The following MROH9 variants were observed in gnomAD, a reference collection of about 807,000 sequenced individuals.
The protein encoded by MROH9 is maestro heat-like repeat-containing protein family member 9.
In MROH9, 92 loss-of-function variants were observed where a neutral mutation model predicts 98.2. The observed-to-expected ratio is 0.94, with a 90% confidence interval of 0.79 to 1.11. The LOEUF is 1.11. Ranked by LOEUF, MROH9 falls within the 50% of genes most tolerant of loss-of-function variation. The pLI is 0.00. For synonymous variants in MROH9, 397 were observed against 368.9 expected, an observed-to-expected ratio of 1.08 and a Z score of -0.87; for missense variants, 1,057 against 1,014.8, an observed-to-expected ratio of 1.04 and a Z score of -0.57.
At chr1:171,036,171 T>C (rs1020478581) in intron 20 of MROH9, among the ~76,000 whole-genome samples, 2 of 151,954 alleles carry the variant, frequency 1.3e-5, no homozygotes, top group Non-Finnish European at 1.5e-5. Flanking sequence ...CAAAAACAGC[T>C]AGAACTAAAG....
At chr1:170,947,861 G>T (rs1649393482) in intron 3 of MROH9, among the ~76,000 whole-genome samples, 1 of 151,918 alleles carries the variant, frequency 6.6e-6, no homozygotes, top group South Asian at 2.1e-4. Context: ...TCCATCAACT[G>T]ACTGGTCTCT....
At chr1:171,012,062 ATAGTG>A (rs1167505699) in intron 15 of MROH9, among the ~76,000 whole-genome samples, 2 of 151,936 alleles carry the variant, frequency 1.3e-5, no homozygotes, top group Non-Finnish European at 2.9e-5. Flanking sequence ...ACTTCCAACT[ATAGTG>A]TAAATATCTA....
At chr1:170,935,982 C>CAAAAAAAAAAAAAAA (rs59883013) in intron 1 of MROH9, among the ~76,000 whole-genome samples, 3 of 62,256 alleles carry the variant, frequency 4.8e-5, no homozygotes, top group Non-Finnish European at 6.2e-5. Context: ...CAGAGTGAGA[C>CAAAAAAAAAAAAAAA]AAAAAAAAAA....
At chr1:170,945,633 T>A in intron 2 of MROH9, 52 bp downstream of exon 2, 1 of 1,511,550 alleles carries the variant, frequency 6.6e-7, no homozygotes, top group South Asian at 1.2e-5. Flanking sequence ...TGTGTATATG[T>A]GTGTGTATGA....
chr1:170,937,496 T>TCACAG (rs1648933563), intron 1 of MROH9, among the ~76,000 whole-genome samples: 1 of 151,388 alleles, frequency 6.6e-6, no homozygotes, highest in Non-Finnish European at 1.5e-5. Context: ...TCTGCACTGA[T>TCACAG]CACAGCATCA....
chr1:170,941,930 C>A (rs1188688965), intron 1 of MROH9, among the ~76,000 whole-genome samples: 1 of 152,194 alleles, frequency 6.6e-6, no homozygotes, highest in Non-Finnish European at 1.5e-5. Flanking sequence ...TCCTAACTTT[C>A]TCCTCATTGG....
chr1:171,052,901 G>T (rs921144826), intron 20 of MROH9, among the ~76,000 whole-genome samples: 3 of 152,172 alleles, frequency 2.0e-5, no homozygotes, highest in East Asian at 1.9e-4. Flanking sequence ...CTTTGCATAG[G>T]AAGGGAAGGA....
At chr1:171,026,616 G>C (rs1362256404) in intron 20 of MROH9, among the ~76,000 whole-genome samples, 1 of 152,188 alleles carries the variant, frequency 6.6e-6, no homozygotes, top group Admixed American at 6.5e-5. Flanking sequence ...CTGCTATCCT[G>C]AATTCTACCT....
chr1:171,050,938 T>G (rs751504179), intron 20 of MROH9, among the ~76,000 whole-genome samples: 1 of 152,230 alleles, frequency 6.6e-6, no homozygotes, highest in African/African-American at 2.4e-5. Flanking sequence ...TTTGGTTTTG[T>G]TTATGTGGTG....
chr1:171,051,441 A>G (rs1653660999), intron 20 of MROH9, among the ~76,000 whole-genome samples: 1 of 152,184 alleles, frequency 6.6e-6, no homozygotes, highest in African/African-American at 2.4e-5. Flanking sequence ...CTTTGCACAG[A>G]CATGGATGAA....
chr1:170,996,170 ATTCAT>A, intron 13 of MROH9, among the ~76,000 whole-genome samples: 1 of 152,198 alleles, frequency 6.6e-6, no homozygotes, highest in South Asian at 2.1e-4. Context: ...AATATATCCT[ATTCAT>A]TTAATAGAAG....
chr1:170,958,306 G>A (rs1391167368), intron 3 of MROH9, among the ~76,000 whole-genome samples, 155 bp from the exon 4 acceptor site: 2 of 152,154 alleles, frequency 1.3e-5, no homozygotes, highest in East Asian at 3.8e-4. Context: ...TTACAGTTTG[G>A]TCTCAACACT....
At chr1:171,026,182 G>T (rs1391765034) in intron 20 of MROH9, among the ~76,000 whole-genome samples, 1 of 151,844 alleles carries the variant, frequency 6.6e-6, no homozygotes, top group Non-Finnish European at 1.5e-5. Context: ...GAGAGGAGGG[G>T]CAGAACACAC....
intron 20 of MROH9, among the ~76,000 whole-genome samples, chr1:171,046,290 A>G (rs1653471622): frequency 6.6e-6 from 1 of 152,136 alleles, no homozygotes; most frequent in Non-Finnish European, 1.5e-5. Context: ...TAATCCATTT[A>G]CATTCAATGT....
At chr1:170,956,363 G>A (rs780608312) in intron 3 of MROH9, among the ~76,000 whole-genome samples, 83 of 152,092 alleles carry the variant, frequency 5.5e-4, no homozygotes, top group Non-Finnish European at 9.9e-4. Flanking sequence ...AATGTTGGTG[G>A]TATTTTTATG....
At chr1:171,054,354 A>G (rs1024964696) in intron 20 of MROH9, among the ~76,000 whole-genome samples, 1 of 152,180 alleles carries the variant, frequency 6.6e-6, no homozygotes, top group Admixed American at 6.5e-5. Context: ...GTGGATTCTC[A>G]TCTCTCACCT....
chr1:170,999,541 TAC>T (rs1452666518), intron 15 of MROH9, among the ~76,000 whole-genome samples: 1 of 143,596 alleles, frequency 7.0e-6, no homozygotes, highest in Non-Finnish European at 1.5e-5. Context: ...TATATATATA[TAC>T]ACACACACCA....
chr1:171,059,925 T>G (rs1033935385), intron 20 of MROH9, among the ~76,000 whole-genome samples: 1 of 151,738 alleles, frequency 6.6e-6, no homozygotes, highest in African/African-American at 2.4e-5. Flanking sequence ...GGTCAATAGG[T>G]GCAAAAATTT....
At chr1:171,049,191 A>C (rs1183957001) in intron 20 of MROH9, among the ~76,000 whole-genome samples, 3 of 152,196 alleles carry the variant, frequency 2.0e-5, no homozygotes, top group Non-Finnish European at 4.4e-5. Context: ...CCTACACAGA[A>C]GAAACACCTT....
Sources: gnomAD v4.1 joint callset for allele counts (sites outside exome capture counted in the v4.1 genomes callset) on GRCh38, gnomAD v4.1.1 for gene constraint, MANE v1.5 for transcripts, NCBI Gene and HGNC (gene_info 2026-07-23, HGNC 2026-07-21) for gene names.